The following KIAA1328 variants were observed in gnomAD, a reference collection of about 807,000 sequenced individuals.
KIAA1328 encodes protein hinderin.
Under a neutral mutation model 68.1 loss-of-function variants are expected in KIAA1328, and 52 were observed. The observed-to-expected ratio is 0.76, with a 90% CI of 0.61 to 0.96. KIAA1328 has a LOEUF of 0.96. Ranked by LOEUF, KIAA1328 falls within the 40% of genes least tolerant of loss-of-function variation. The probability of loss-of-function intolerance (pLI) is 0.00; values close to 1 mark genes in which losing one functional copy is unlikely to be tolerated. For synonymous variants in KIAA1328, 232 were observed against 239.4 expected (o/e 0.97, Z 0.28); for missense variants, 641 against 677.6 (o/e 0.95, Z 0.60).
At chr18:36,907,277 A>C (rs933855408) in intron 5 of KIAA1328, among the ~76,000 whole-genome samples, 1 of 151,716 alleles carries the variant, frequency 6.6e-6, no homozygotes, top group Non-Finnish European at 1.5e-5. Context: ...TATGCTTTTT[A>C]TTTCTTTTTC....
chr18:37,226,208 C>T (rs781222239), downstream of KIAA1328, among the ~76,000 whole-genome samples: 23 of 152,046 alleles, frequency 1.5e-4, no homozygotes, highest in African/African-American at 2.9e-4. Context: ...TAAAGAGAGA[C>T]GAGTCAAAGT....
intron 5 of KIAA1328, among the ~76,000 whole-genome samples, chr18:36,906,781 A>G (rs1568147614): frequency 6.6e-6 from 1 of 152,242 alleles, no homozygotes; most frequent in East Asian, 1.9e-4. Flanking sequence ...TTGTGTGGAC[A>G]TAAGTTTTCC....
At chr18:36,943,271 T>C (rs2050776511) in intron 5 of KIAA1328, among the ~76,000 whole-genome samples, 1 of 152,230 alleles carries the variant, frequency 6.6e-6, no homozygotes, top group Non-Finnish European at 1.5e-5. Context: ...AAATTTTGTT[T>C]GTAGTATTTT....
downstream of KIAA1328, chr18:37,232,054 A>G (rs2060666067): frequency 6.6e-6 from 1 of 152,246 alleles, no homozygotes; most frequent in Non-Finnish European, 1.5e-5. Flanking sequence ...TATGTTTTCC[A>G]GGGACAGTTA....
intron 5 of KIAA1328, among the ~76,000 whole-genome samples, chr18:36,934,864 T>C (rs777140468): frequency 1.3e-5 from 2 of 152,226 alleles, no homozygotes. Flanking sequence ...ACATTTTCAT[T>C]TGTTATGGCA....
chr18:37,090,058 A>G (rs967905183), intron 7 of KIAA1328, among the ~76,000 whole-genome samples: 2 of 152,194 alleles, frequency 1.3e-5, no homozygotes, highest in Non-Finnish European at 2.9e-5. Context: ...GAAGGCAGCA[A>G]TGTAAATTCC....
chr18:37,195,856 T>C (rs1460333463), intron 9 of KIAA1328, among the ~76,000 whole-genome samples: 1 of 152,214 alleles, frequency 6.6e-6, no homozygotes, highest in Non-Finnish European at 1.5e-5. Context: ...GATACTTTGA[T>C]AGGGATGGCA....
At chr18:37,206,479 C>T (rs538381158) in intron 9 of KIAA1328, among the ~76,000 whole-genome samples, 9 of 152,276 alleles carry the variant, frequency 5.9e-5, no homozygotes, top group African/African-American at 1.9e-4. Flanking sequence ...CCCTATTCAT[C>T]TTGTGGGGGT....
At chr18:37,078,351 C>T (rs1374972738) in intron 7 of KIAA1328, among the ~76,000 whole-genome samples, 6 of 151,788 alleles carry the variant, frequency 4.0e-5, no homozygotes, top group Admixed American at 1.3e-4. Context: ...AAGACTTAAA[C>T]GTTAGACCTA....
intron 6 of KIAA1328, among the ~76,000 whole-genome samples, chr18:36,978,934 A>G (rs1352241057): frequency 6.6e-6 from 1 of 152,194 alleles, no homozygotes; most frequent in African/African-American, 2.4e-5. Context: ...AGGCCAAGGC[A>G]GGTGGATCAC....
intron 7 of KIAA1328, among the ~76,000 whole-genome samples, chr18:37,157,483 G>A (rs1197775394): frequency 1.3e-5 from 2 of 151,718 alleles, no homozygotes; most frequent in East Asian, 1.9e-4. Context: ...TATTTTAATA[G>A]CATGTCATGA....
chr18:37,151,833 C>A (rs2059036903), intron 7 of KIAA1328, among the ~76,000 whole-genome samples: 1 of 152,110 alleles, frequency 6.6e-6, no homozygotes, highest in Admixed American at 6.6e-5. Flanking sequence ...TAGAAGAGGG[C>A]AGCTAGGCAT....
At chr18:36,999,131 A>T (rs2053498493) in intron 6 of KIAA1328, among the ~76,000 whole-genome samples, 2 of 152,236 alleles carry the variant, frequency 1.3e-5, no homozygotes, top group African/African-American at 4.8e-5. Context: ...TGAGGGAAAT[A>T]CAAAATACAT....
At chr18:36,944,701 G>A (rs1231428027) in intron 5 of KIAA1328, among the ~76,000 whole-genome samples, 1 of 152,184 alleles carries the variant, frequency 6.6e-6, no homozygotes, top group Non-Finnish European at 1.5e-5. Context: ...GAGATTTAAG[G>A]AGCAATCAGT....
intron 7 of KIAA1328, among the ~76,000 whole-genome samples, chr18:37,069,700 C>G (rs920883406): frequency 2.0e-5 from 3 of 152,126 alleles, no homozygotes; most frequent in African/African-American, 7.2e-5. Context: ...TTAATACTTA[C>G]AAGGCTATTC....
At chr18:37,172,130 G>T (rs1326238377) in intron 8 of KIAA1328, among the ~76,000 whole-genome samples, 2 of 152,112 alleles carry the variant, frequency 1.3e-5, no homozygotes, top group African/African-American at 4.8e-5. Context: ...GCACTCCAAA[G>T]CTTTTTGTTA....
chr18:37,025,210 C>T (rs147725312), intron 6 of KIAA1328, among the ~76,000 whole-genome samples: 3,592 of 152,124 alleles, frequency 0.024, 60 homozygotes, highest in Non-Finnish European at 0.035. Flanking sequence ...CAGGAGCACC[C>T]AGATTCATAA....
intron 3 of KIAA1328, among the ~76,000 whole-genome samples, chr18:36,838,717 T>A (rs2046759633): frequency 6.6e-6 from 1 of 152,160 alleles, no homozygotes; most frequent in Non-Finnish European, 1.5e-5. Context: ...TTTGAGCAAT[T>A]TGGTTATAGT....
At chr18:36,972,412 A>G (rs966049698) in intron 6 of KIAA1328, among the ~76,000 whole-genome samples, 1 of 152,174 alleles carries the variant, frequency 6.6e-6, no homozygotes, top group African/African-American at 2.4e-5. Context: ...ATTTACCCTT[A>G]TATAATTAAT....
Sources: allele counts gnomAD v4.1 joint callset (sites outside exome capture counted in the v4.1 genomes callset), GRCh38; gene constraint gnomAD v4.1.1; transcripts MANE v1.5; gene names NCBI Gene and HGNC (gene_info 2026-07-23, HGNC 2026-07-21).